CFAP74: variants seen among roughly 807,000 people sequenced by gnomAD.
The protein encoded by CFAP74 is cilia and flagella associated protein 74, also known as cilia- and flagella-associated protein 74.
CFAP74 carries 124 observed loss-of-function variants against 188.9 expected under a neutral mutation model. That is an observed-to-expected ratio of 0.66 (90% CI 0.57 to 0.76). The LOEUF is 0.76. Ranked by LOEUF, CFAP74 falls within the 30% of genes least tolerant of loss-of-function variation. The pLI, the probability that CFAP74 is intolerant of heterozygous loss-of-function variation, is 0.00. For missense variants in CFAP74, 2,198 were observed against 2,165.2 expected (o/e 1.02, Z -0.30); for synonymous variants, 956 against 916.7 (o/e 1.04, Z -0.77).
rs78208385 is a variant in CFAP74, at chr1:1,968,911, G to A, written c.1047-78C>T. ...GCCCCAGATGAGACAGTGCCCGGCGGCCCCTCCCTAGCGCCCTCCTGGGGG... is the reference window on the plus strand; with the variant it reads ...GCCCCAGATGAGACAGTGCCCGGCGACCCCTCCCTAGCGCCCTCCTGGGGG... On this transcript the variant is annotated intron_variant, in intron 10 of 38. Coordinates refer to ENST00000682832, the MANE Select transcript of CFAP74 (RefSeq NM_001304360.2). This position sits in a 1 kb window ranked among gnomAD's most constrained non-coding sequence, Gnocchi z 4.3. 1,084 of 1,401,372 alleles carry A rather than the reference G, an allele frequency of 7.7e-4. 7 individuals carry two copies. The African/African-American group carries it at 0.014, about 18-fold the overall frequency. 86.8% of individuals were successfully genotyped at this position (1,401,372 alleles called of 1,614,324 possible).
chr1:1,926,989 T>A lies in CFAP74; in HGVS notation c.3567A>T (p.Arg1189Ser). The change falls in exon 29 of 39, where the codon AGA becomes AGT. Residue 1189 changes from arginine to serine, a missense_variant. Transcript: ENST00000682832. The stretch of plus-strand genomic sequence containing the variant: ...ATGTGTCAAACTTCGCCTGGAACGC[T>A]CTGAGCAGGGTGGCTCGGGCGGCCT... ...EYQAARATLL[R>S]AFQAKFDTFV... The A allele has an allele frequency of 2.6e-6, 4 of 1,550,242 alleles. No individual in the cohort carries two copies. Among genetic ancestry groups the A allele is most frequent in the Non-Finnish European group, 3.5e-6 (4 of 1,146,874 alleles).
In CFAP74 at chr1:1,968,095, G is replaced by A. The variant is rs537181568; in HGVS notation, c.1245+540C>T. ...GAGTGAATGAGTAAAGAGTGAATGA[G>A]TGAATGAATGAGTGAATGAATGAAG... is the stretch of plus-strand genomic sequence containing the variant. On this transcript the variant is annotated intron_variant, in intron 11 of 38. Coordinates refer to ENST00000682832, the MANE Select transcript of CFAP74 (RefSeq NM_001304360.2). The surrounding 1 kb of genome is among the most constrained non-coding windows in gnomAD (Gnocchi z 4.3). Among the ~76,000 whole-genome samples, 6 of 149,354 alleles carry A rather than the reference G, an allele frequency of 4.0e-5. No homozygotes were observed. Among genetic ancestry groups the A allele is most frequent in the Admixed American group, 6.7e-5 (1 of 15,010 alleles).
intron 14 of CFAP74, among the ~76,000 whole-genome samples, chr1:1,961,226 G>A (rs963837347): frequency 1.3e-5 from 2 of 152,164 alleles, no homozygotes; most frequent in African/African-American, 4.8e-5. Flanking sequence ...GAATGGGGGA[G>A]GGGCGATGCC....
At chr1:1,934,828 G>C (rs1367334961) in intron 25 of CFAP74, among the ~76,000 whole-genome samples, 7 of 145,638 alleles carry the variant, frequency 4.8e-5, no homozygotes, top group Admixed American at 2.7e-4. Flanking sequence ...TTACGTTGTA[G>C]GTACGTGTGT....
chr1:1,972,822 A>G, intron 8 of CFAP74, 115 bp downstream of exon 8: 1 of 783,040 alleles, frequency 1.3e-6, no homozygotes. Flanking sequence ...AGCCTGGGCG[A>G]CAGAGCAAGG....
intron 1 of CFAP74, among the ~76,000 whole-genome samples, chr1:1,994,209 A>T (rs1185027607): frequency 6.6e-6 from 1 of 150,594 alleles, no homozygotes; most frequent in Non-Finnish European, 1.5e-5. Context: ...AAGTCAATGT[A>T]CCTAGTATAG....
At chr1:2,001,206 G>T (rs1052448512) in intron 1 of CFAP74, among the ~76,000 whole-genome samples, 1 of 152,188 alleles carries the variant, frequency 6.6e-6, no homozygotes, top group African/African-American at 2.4e-5. Context: ...TCAGAGCCCA[G>T]GCAGGAGAAG....
Position 1,927,744 on chromosome 1 carries a change from G to A in CFAP74, c.3390C>T (p.Phe1130=), listed in dbSNP as rs1470623286. The A allele has an allele frequency of 7.7e-6, 12 of 1,549,658 alleles. No individual in the cohort carries two copies. The highest frequency in any genetic ancestry group is 9.6e-6 in the Non-Finnish European group (11 of 1,146,596). Residue 1130 remains phenylalanine (F), a splice_region_variant and synonymous_variant, in exon 28 of 39, where the codon TTC becomes TTT. Coordinates refer to ENST00000682832, the MANE Select transcript of CFAP74 (RefSeq NM_001304360.2). The part of the protein sequence containing the change: ...LLNKEMETKS[F]RKNMAPQRKD... ...TCCTCTGGGGGGCCATATTCTTTCGGAACTGTGGGGGGAGCGACTGGCTGT... is the reference window on the plus strand; with the variant it reads ...TCCTCTGGGGGGCCATATTCTTTCGAAACTGTGGGGGGAGCGACTGGCTGT...
At chr1:1,988,427 G>A in intron 4 of CFAP74, 85 bp downstream of exon 4, 1 of 1,543,732 alleles carries the variant, frequency 6.5e-7, no homozygotes, top group Non-Finnish European at 8.8e-7. Flanking sequence ...GGTGACGACA[G>A]GTACAGGACC....
Position 1,985,255 on chromosome 1 carries a change from C to G in CFAP74, c.500+131G>C. 7.0e-6 allele frequency: 5 copies of G among 713,054 alleles called. No homozygotes were observed. The South Asian group carries it at 8.3e-5, about 12-fold the overall frequency. The allele number at this position is 713,054 out of a possible 1,614,324, so 44.2% of individuals were successfully genotyped here. On this transcript the variant is annotated intron_variant, in intron 6 of 38. Transcript: ENST00000682832. ...TCCAACCACTGCATTCACCGAGTCC[C>G]CTTTCCACTTCCCCGCAGTTTGCCG... is the stretch of plus-strand genomic sequence containing the variant.
At chr1:1,990,640 A>G (rs2102108614) in intron 2 of CFAP74, among the ~76,000 whole-genome samples, 1 of 152,310 alleles carries the variant, frequency 6.6e-6, no homozygotes, top group East Asian at 1.9e-4. Context: ...TTGGGATAAA[A>G]ATGGCATCAG....
Position 1,939,006 on chromosome 1 carries a change from C to T in CFAP74, c.2878-18G>A, listed in dbSNP as rs1653158562. The T allele has an allele frequency of 6.5e-7, 1 of 1,534,322 alleles. No individual in the cohort carries two copies. Among genetic ancestry groups the T allele is most frequent in the African/African-American group, 1.4e-5 (1 of 73,020 alleles). On this transcript the variant is annotated intron_variant, in intron 24 of 38. Transcript: ENST00000682832. ...TCCACAAACTGGAAATAGAAGAGTG[C>T]TCTGAGGGCATGTCACGGGGAGACC...
intron 18 of CFAP74, among the ~76,000 whole-genome samples, chr1:1,947,331 G>A (rs1453352225): frequency 6.6e-6 from 1 of 152,240 alleles, no homozygotes; most frequent in Non-Finnish European, 1.5e-5. Context: ...AGGCTGGAGT[G>A]GGAAGGACAG....
At chr1:1,953,355 G>A (rs1252198196) in intron 18 of CFAP74, 1 of 151,490 alleles carries the variant, frequency 6.6e-6, no homozygotes, top group African/African-American at 2.4e-5. Flanking sequence ...GAGTGCAATG[G>A]CGCGATCTCA....
intron 27 of CFAP74, 199 bp from the exon 28 acceptor site, chr1:1,927,945 C>T: frequency 1.7e-6 from 1 of 595,014 alleles, no homozygotes; most frequent in East Asian, 2.9e-5. Flanking sequence ...GAGCTGCTCA[C>T]AGACTGTGGC....
chr1:1,924,624 A>C, intron 33 of CFAP74, 104 bp from the exon 34 acceptor site: 2 of 1,314,982 alleles, frequency 1.5e-6, no homozygotes, highest in Non-Finnish European at 1.0e-6. Flanking sequence ...GCCACACCCA[A>C]GTGGGGACCC....
At chr1:1,963,413 C>G (rs530898818) in intron 14 of CFAP74, among the ~76,000 whole-genome samples, 3 of 131,012 alleles carry the variant, frequency 2.3e-5, no homozygotes, top group African/African-American at 8.6e-5. Flanking sequence ...ACCGCGCCAT[C>G]GCACTTGCAC....
At chr1:1,965,108 GGGCGGCGCCGGT>G in intron 12 of CFAP74, 47 bp from the exon 13 acceptor site, 1 of 1,572,736 alleles carries the variant, frequency 6.4e-7, no homozygotes, top group East Asian at 2.3e-5. Flanking sequence ...GGCTCCACCT[GGGCGGCGCCGGT>G]GGCAGCTCGG....
intron 1 of CFAP74, among the ~76,000 whole-genome samples, chr1:1,992,277 G>A (rs371074727): frequency 3.9e-5 from 6 of 151,928 alleles, no homozygotes; most frequent in East Asian, 2.0e-4. Context: ...CAATCTTCCC[G>A]CCTCAGCTTC....
Sources: allele counts gnomAD v4.1 joint callset (sites outside exome capture counted in the v4.1 genomes callset), GRCh38; gene constraint gnomAD v4.1.1; non-coding constraint Gnocchi (gnomAD v3.1); transcripts MANE v1.5; gene names NCBI Gene and HGNC (gene_info 2026-07-23, HGNC 2026-07-21).